KIAA1328: variants seen among roughly 807,000 people sequenced by gnomAD.
KIAA1328 encodes the protein protein hinderin.
KIAA1328 carries 52 observed loss-of-function variants against 68.1 expected under a neutral mutation model. The observed-to-expected ratio is 0.76, with a 90% CI of 0.61 to 0.96. KIAA1328 has a LOEUF of 0.96. Ranked by LOEUF, KIAA1328 falls within the 40% of genes least tolerant of loss-of-function variation. The pLI is 0.00. For synonymous variants in KIAA1328, 232 were observed against 239.4 expected (o/e 0.97, Z 0.28); for missense variants, 641 against 677.6 (o/e 0.95, Z 0.60).
Position 37,222,178 on chromosome 18 carries a change from C to T in KIAA1328, c.1685C>T (p.Pro562Leu). Residue 562 changes from proline (P) to leucine (L), a missense_variant, in exon 10 of 10, where the codon CCT becomes CTT. Coordinates refer to ENST00000280020, the MANE Select transcript of KIAA1328 (RefSeq NM_020776.3). ...AAGAAGATGGGGATGCACAGAACCC[C>T]TGAAGAGTTGGAGGAGAATCAGATT... The part of the protein sequence containing the change: ...TRKKMGMHRT[P>L]EELEENQILE... 1 of 1,600,374 alleles carries T rather than the reference C, an allele frequency of 6.2e-7. No individual in the cohort carries two copies. Among genetic ancestry groups the T allele is most frequent in the Non-Finnish European group, 8.5e-7 (1 of 1,173,048 alleles).
chr18:37,126,459 T>TA (rs1164980122), intron 7 of KIAA1328, among the ~76,000 whole-genome samples: 1 of 152,156 alleles, frequency 6.6e-6, no homozygotes, highest in Non-Finnish European at 1.5e-5. Context: ...TTCATAGTTT[T>TA]AAAAAACCTT....
chr18:37,184,052 G>C (rs1484092333), intron 9 of KIAA1328, among the ~76,000 whole-genome samples: 1 of 152,126 alleles, frequency 6.6e-6, no homozygotes, highest in Non-Finnish European at 1.5e-5. Context: ...GCTCATAATA[G>C]ACATTAAATA....
intron 7 of KIAA1328, among the ~76,000 whole-genome samples, chr18:37,082,901 T>C (rs898249010): frequency 6.6e-6 from 1 of 152,188 alleles, no homozygotes; most frequent in Non-Finnish European, 1.5e-5. Flanking sequence ...AATATTTACC[T>C]TTGTCTCCCA....
chr18:36,991,105 G>C (rs1036527599), intron 6 of KIAA1328, among the ~76,000 whole-genome samples: 1 of 151,986 alleles, frequency 6.6e-6, no homozygotes, highest in African/African-American at 2.4e-5. Context: ...TTACATTATA[G>C]AAAATTTGAA....
intron 5 of KIAA1328, among the ~76,000 whole-genome samples, chr18:36,956,954 T>C (rs996281932): frequency 6.6e-6 from 1 of 152,182 alleles, no homozygotes; most frequent in Non-Finnish European, 1.5e-5. Flanking sequence ...CCATTTATAC[T>C]ATTGTTGTTA....
chr18:37,151,865 G>A (rs17652769), intron 7 of KIAA1328, among the ~76,000 whole-genome samples: 20,711 of 151,958 alleles, frequency 0.14, 1,756 homozygotes, highest in Admixed American at 0.18. Context: ...ACTTTTGCAC[G>A]GTGAGGAGGG....
chr18:37,145,993 G>A (rs1434528823), intron 7 of KIAA1328, among the ~76,000 whole-genome samples: 4 of 151,762 alleles, frequency 2.6e-5, no homozygotes, highest in Non-Finnish European at 4.4e-5. Context: ...TGCTTCCCCC[G>A]CTCCCAATTT....
chr18:37,152,097 A>G (rs1364273948), intron 7 of KIAA1328, among the ~76,000 whole-genome samples: 7 of 70,430 alleles, frequency 9.9e-5, no homozygotes, highest in Admixed American at 6.3e-4. Flanking sequence ...GGACCTATGT[A>G]AAAAAAAAAA....
chr18:36,971,545 C>T (rs1598857229), intron 6 of KIAA1328, among the ~76,000 whole-genome samples: 1 of 152,164 alleles, frequency 6.6e-6, no homozygotes, highest in East Asian at 1.9e-4. Context: ...AGGAGAATCG[C>T]TTGAACCCAG....
At chr18:36,980,178 C>A (rs2052628412) in intron 6 of KIAA1328, among the ~76,000 whole-genome samples, 1 of 152,160 alleles carries the variant, frequency 6.6e-6, no homozygotes, top group East Asian at 1.9e-4. Flanking sequence ...AAATAAATTT[C>A]TCTTTTTTTA....
At chr18:36,875,672 C>T (rs2048096545) in intron 4 of KIAA1328, among the ~76,000 whole-genome samples, 1 of 152,160 alleles carries the variant, frequency 6.6e-6, no homozygotes, top group Non-Finnish European at 1.5e-5. Context: ...TTTCTCTTGC[C>T]TGATTGCCCT....
chr18:36,874,246 A>G (rs1016899720), intron 4 of KIAA1328, among the ~76,000 whole-genome samples: 2 of 152,176 alleles, frequency 1.3e-5, no homozygotes, highest in Admixed American at 1.3e-4. Flanking sequence ...GGTTCTAGAT[A>G]CTTGAGGAAT....
chr18:37,002,633 C>T (rs933746040), intron 6 of KIAA1328, among the ~76,000 whole-genome samples: 7 of 151,770 alleles, frequency 4.6e-5, no homozygotes, highest in African/African-American at 1.7e-4. Flanking sequence ...ATAAATTTAG[C>T]CTAGGATGTG....
intron 6 of KIAA1328, among the ~76,000 whole-genome samples, chr18:37,044,655 C>G (rs953021924): frequency 6.6e-6 from 1 of 151,816 alleles, no homozygotes; most frequent in Non-Finnish European, 1.5e-5. Flanking sequence ...AAAAAATTAG[C>G]TGGGCATGGT....
chr18:36,962,643 T>A (rs1307186873), intron 6 of KIAA1328, among the ~76,000 whole-genome samples: 1 of 152,066 alleles, frequency 6.6e-6, no homozygotes, highest in Non-Finnish European at 1.5e-5. Context: ...TGCAATCAAA[T>A]TAGAACTCAG....
chr18:37,058,698 C>T (rs943172485), intron 6 of KIAA1328, among the ~76,000 whole-genome samples: 1 of 151,634 alleles, frequency 6.6e-6, no homozygotes, highest in Admixed American at 6.6e-5. Flanking sequence ...GGTGACAGAG[C>T]AAGACTCTGT....
At chr18:36,973,733 G>T (rs1482348752) in intron 6 of KIAA1328, among the ~76,000 whole-genome samples, 1 of 151,660 alleles carries the variant, frequency 6.6e-6, no homozygotes, top group East Asian at 1.9e-4. Flanking sequence ...ATTTACTATT[G>T]TCTTCCAGTT....
chr18:37,070,523 C>T (rs2151747596), intron 7 of KIAA1328, among the ~76,000 whole-genome samples: 1 of 150,688 alleles, frequency 6.6e-6, no homozygotes, highest in South Asian at 2.1e-4. Context: ...GCTATGTCTT[C>T]TTGGTAGATC....
At chr18:36,989,709 T>C (rs981127024) in intron 6 of KIAA1328, among the ~76,000 whole-genome samples, 1 of 152,178 alleles carries the variant, frequency 6.6e-6, no homozygotes, top group African/African-American at 2.4e-5. Flanking sequence ...TTTTTTCTTT[T>C]TTTGAGACGG....
Sources: gnomAD v4.1 joint callset for allele counts (sites outside exome capture counted in the v4.1 genomes callset) on GRCh38, gnomAD v4.1.1 for gene constraint, MANE v1.5 for transcripts, NCBI Gene and HGNC (gene_info 2026-07-23, HGNC 2026-07-21) for gene names.